Variants in SAMMSON observed in about 807,000 individuals in gnomAD.
The protein encoded by SAMMSON is survival associated mitochondrial melanoma specific oncogenic non-coding RNA.
intron 4 of SAMMSON, among the ~76,000 whole-genome samples, chr3:70,145,812 A>T (rs1039177005): frequency 6.6e-6 from 1 of 151,976 alleles, no homozygotes; most frequent in East Asian, 1.9e-4. Context: ...AGAAATGTTA[A>T]CCAAAATAAG....
intron 7 of SAMMSON, among the ~76,000 whole-genome samples, chr3:70,294,927 A>G (rs1198673786): frequency 2.0e-5 from 3 of 152,168 alleles, no homozygotes; most frequent in Admixed American, 6.5e-5. Context: ...AACAAAGCAA[A>G]GTAAAACAAC....
chr3:70,290,055 C>T (rs1249353930), intron 6 of SAMMSON, among the ~76,000 whole-genome samples: 1 of 152,204 alleles, frequency 6.6e-6, no homozygotes, highest in East Asian at 1.9e-4. Flanking sequence ...CTTCTTCTCT[C>T]AGCTCGTCAA....
At chr3:70,216,358 T>C (rs1173548732) in intron 4 of SAMMSON, among the ~76,000 whole-genome samples, 1 of 151,406 alleles carries the variant, frequency 6.6e-6, no homozygotes, top group Admixed American at 6.6e-5. Context: ...TTCCTAGATG[T>C]CATTCATTTT....
At chr3:70,220,527 G>A (rs1037796426) in intron 4 of SAMMSON, among the ~76,000 whole-genome samples, 3 of 152,098 alleles carry the variant, frequency 2.0e-5, no homozygotes, top group African/African-American at 4.8e-5. Context: ...GTACAAAATT[G>A]AATTTACTAC....
chr3:70,083,937 G>T (rs766908046), intron 4 of SAMMSON, among the ~76,000 whole-genome samples: 20 of 152,152 alleles, frequency 1.3e-4, no homozygotes, highest in Non-Finnish European at 2.8e-4. Context: ...ATGAGTGAAT[G>T]AATGAATGAG....
intron 3 of SAMMSON, among the ~76,000 whole-genome samples, chr3:70,052,409 C>G (rs1393903894): frequency 6.6e-6 from 1 of 152,102 alleles, no homozygotes; most frequent in Non-Finnish European, 1.5e-5. Flanking sequence ...ACCTCAGCAG[C>G]TTCCTGCAAT....
chr3:70,245,572 G>A (rs2106645425), intron 4 of SAMMSON, among the ~76,000 whole-genome samples: 1 of 149,812 alleles, frequency 6.7e-6, no homozygotes, highest in East Asian at 2.0e-4. Context: ...TAGTAACTGG[G>A]TAATAAAGGG....
chr3:70,268,670 CTCT>C (rs2106669260), intron 6 of SAMMSON, among the ~76,000 whole-genome samples: 1 of 152,214 alleles, frequency 6.6e-6, no homozygotes, highest in Admixed American at 6.5e-5. Context: ...TCAGTATTCT[CTCT>C]TCTTTTGTTT....
At chr3:70,283,360 A>G (rs1248001874) in intron 6 of SAMMSON, among the ~76,000 whole-genome samples, 1 of 152,064 alleles carries the variant, frequency 6.6e-6, no homozygotes, top group Non-Finnish European at 1.5e-5. Context: ...TAGGGCCTGG[A>G]CTTTGGAGAA....
intron 6 of SAMMSON, among the ~76,000 whole-genome samples, chr3:70,263,703 G>A (rs1201728542): frequency 6.6e-6 from 1 of 152,080 alleles, no homozygotes; most frequent in Non-Finnish European, 1.5e-5. Flanking sequence ...CTTCTCTTGG[G>A]TTCTCTGCCC....
At chr3:70,275,452 C>G (rs927627681) in intron 6 of SAMMSON, among the ~76,000 whole-genome samples, 6 of 152,124 alleles carry the variant, frequency 3.9e-5, no homozygotes, top group East Asian at 3.9e-4. Flanking sequence ...GAGGTCAAGG[C>G]TGCACTGAGC....
At chr3:70,218,353 A>G (rs1041823318) in intron 4 of SAMMSON, among the ~76,000 whole-genome samples, 1 of 152,152 alleles carries the variant, frequency 6.6e-6, no homozygotes, top group South Asian at 2.1e-4. Context: ...GCATATAGGC[A>G]TGCATTAGGT....
chr3:70,421,250 A>G (rs866059714), intron 2 of SAMMSON, among the ~76,000 whole-genome samples: 1 of 152,168 alleles, frequency 6.6e-6, no homozygotes, highest in Non-Finnish European at 1.5e-5. Context: ...ATAAAAAACA[A>G]AAAGCTGCAT....
intron 4 of SAMMSON, among the ~76,000 whole-genome samples, chr3:70,170,579 CTT>C (rs538385626): frequency 0.076 from 7,999 of 105,356 alleles, 113 homozygotes; most frequent in Non-Finnish European, 0.1. Flanking sequence ...CTAGATTTTC[CTT>C]TTTTTTTTTT....
At chr3:70,381,823 A>G (rs923376256) in intron 9 of SAMMSON, among the ~76,000 whole-genome samples, 2 of 152,158 alleles carry the variant, frequency 1.3e-5, no homozygotes, top group Non-Finnish European at 2.9e-5. Context: ...ACAGGAAAAA[A>G]AGGAGATTTA....
intron 1 of SAMMSON, among the ~76,000 whole-genome samples, chr3:70,011,317 C>A (rs142208775): frequency 6.6e-6 from 1 of 152,054 alleles, no homozygotes; most frequent in African/African-American, 2.4e-5. Flanking sequence ...CCTTAGTTCT[C>A]CCTTAAAACT....
chr3:70,238,517 G>A (rs1202325595), intron 4 of SAMMSON, among the ~76,000 whole-genome samples: 1 of 151,952 alleles, frequency 6.6e-6, no homozygotes, highest in Non-Finnish European at 1.5e-5. Context: ...GAAAGCAGAT[G>A]TAGGAGATCT....
At chr3:70,039,981 G>A (rs1172898558) in intron 3 of SAMMSON, among the ~76,000 whole-genome samples, 1 of 152,100 alleles carries the variant, frequency 6.6e-6, no homozygotes, top group Non-Finnish European at 1.5e-5. Flanking sequence ...GTCAGTTCTT[G>A]CAAAGCTCCT....
At chr3:70,429,730 T>C (rs1277243728) in intron 2 of SAMMSON, among the ~76,000 whole-genome samples, 2 of 152,210 alleles carry the variant, frequency 1.3e-5, no homozygotes, top group Non-Finnish European at 2.9e-5. Context: ...TTTGTAGCAA[T>C]TGTGAATGGG....
Sources: gnomAD v4.1 joint callset for allele counts (sites outside exome capture counted in the v4.1 genomes callset) on GRCh38, gnomAD v4.1.1 for gene constraint, MANE v1.5 for transcripts, NCBI Gene and HGNC (gene_info 2026-07-23, HGNC 2026-07-21) for gene names.